Variants in THSD7A observed in about 807,000 individuals in gnomAD.
THSD7A encodes thrombospondin type-1 domain-containing protein 7A.
A neutral mutation model predicts 231.3 loss-of-function variants in THSD7A; 96 were observed. The ratio of observed to expected loss-of-function variants is 0.41; its 90% CI spans 0.35 to 0.49. The LOEUF is 0.49. THSD7A is among the 20% of genes least tolerant of loss of function. The probability of loss-of-function intolerance (pLI) is 0.05; values close to 1 mark genes in which losing one functional copy is unlikely to be tolerated. For synonymous variants in THSD7A, 940 were observed against 743.3 expected (o/e 1.26, Z -4.30); for missense variants, 2,290 against 2,070.2 (o/e 1.11, Z -2.06).
At chr7:11,598,107 C>T (rs1397533825) in intron 2 of THSD7A, among the ~76,000 whole-genome samples, 1 of 152,158 alleles carries the variant, frequency 6.6e-6, no homozygotes, top group Non-Finnish European at 1.5e-5. Flanking sequence ...AGCAGAACTT[C>T]GAGCAGTGCA....
intron 16 of THSD7A, among the ~76,000 whole-genome samples, chr7:11,420,002 A>G (rs1329318158): frequency 1.3e-5 from 2 of 152,192 alleles, no homozygotes; most frequent in Non-Finnish European, 2.9e-5. Flanking sequence ...TGCTTCTAAA[A>G]GCCTAGCTTA....
intron 6 of THSD7A, among the ~76,000 whole-genome samples, chr7:11,527,108 C>T (rs1001301977): frequency 2.6e-5 from 4 of 152,136 alleles, no homozygotes; most frequent in African/African-American, 9.7e-5. Flanking sequence ...GGAATGCATA[C>T]CATAGCCATT....
At chr7:11,501,537 A>T (rs1387588368) in intron 6 of THSD7A, among the ~76,000 whole-genome samples, 1 of 152,214 alleles carries the variant, frequency 6.6e-6, no homozygotes, top group African/African-American at 2.4e-5. Flanking sequence ...GCTTTTGGGT[A>T]AATACTGAAA....
intron 16 of THSD7A, 109 bp downstream of exon 16, chr7:11,424,587 G>A: frequency 6.8e-7 from 1 of 1,480,376 alleles, no homozygotes; most frequent in Non-Finnish European, 9.1e-7. Context: ...CAAAACTGCA[G>A]ACAATTTTAT....
chr7:11,646,890 A>G (rs911658163), intron 1 of THSD7A, among the ~76,000 whole-genome samples: 2 of 152,092 alleles, frequency 1.3e-5, no homozygotes, highest in African/African-American at 4.8e-5. Context: ...GCTAAGGCAC[A>G]AAAGAATAAG....
At chr7:11,493,513 C>T (rs1021595548) in intron 6 of THSD7A, among the ~76,000 whole-genome samples, 1 of 152,056 alleles carries the variant, frequency 6.6e-6, no homozygotes, top group African/African-American at 2.4e-5. Flanking sequence ...CCTAATGCTT[C>T]TGATGCATTA....
At chr7:11,616,495 T>C (rs1318442084) in intron 2 of THSD7A, among the ~76,000 whole-genome samples, 3 of 152,136 alleles carry the variant, frequency 2.0e-5, no homozygotes, top group African/African-American at 7.2e-5. Flanking sequence ...GAAAGAAATT[T>C]TTTGCAGTGT....
intron 6 of THSD7A, among the ~76,000 whole-genome samples, chr7:11,530,388 T>C (rs1204650101): frequency 6.6e-6 from 1 of 152,134 alleles, no homozygotes; most frequent in Non-Finnish European, 1.5e-5. Context: ...GAGTCATTTC[T>C]TGAAAATATG....
At chr7:11,818,987 G>C (rs941947138) in intron 1 of THSD7A, among the ~76,000 whole-genome samples, 3 of 152,226 alleles carry the variant, frequency 2.0e-5, no homozygotes, top group South Asian at 2.1e-4. Context: ...CGCCAGCTAA[G>C]AGTTGGCTAC....
At chr7:11,577,261 A>C (rs1790954065) in intron 4 of THSD7A, among the ~76,000 whole-genome samples, 1 of 152,182 alleles carries the variant, frequency 6.6e-6, no homozygotes, top group African/African-American at 2.4e-5. Flanking sequence ...AGACTTTCTA[A>C]ACAGATCTAG....
At chr7:11,722,949 C>G (rs1316244740) in intron 1 of THSD7A, among the ~76,000 whole-genome samples, 2 of 151,914 alleles carry the variant, frequency 1.3e-5, no homozygotes, top group African/African-American at 4.8e-5. Context: ...ACTAGAAATA[C>G]CATTTGACCC....
At chr7:11,435,821 G>C (rs975241502) in intron 13 of THSD7A, among the ~76,000 whole-genome samples, 1 of 152,016 alleles carries the variant, frequency 6.6e-6, no homozygotes, top group Non-Finnish European at 1.5e-5. Flanking sequence ...TTTGCAGCCA[G>C]CTTGTGAGAA....
chr7:11,716,534 G>A (rs560351975), intron 1 of THSD7A, among the ~76,000 whole-genome samples: 2 of 151,632 alleles, frequency 1.3e-5, no homozygotes, highest in South Asian at 4.1e-4. Flanking sequence ...TTGGTTCTAG[G>A]CTTTGGTAAC....
intron 4 of THSD7A, among the ~76,000 whole-genome samples, chr7:11,548,177 A>G (rs1353164316): frequency 6.6e-6 from 1 of 152,172 alleles, no homozygotes; most frequent in Non-Finnish European, 1.5e-5. Context: ...CAAAGGTGAC[A>G]TAACCAGTGA....
chr7:11,753,731 A>C (rs1782582400), intron 1 of THSD7A, among the ~76,000 whole-genome samples: 1 of 151,994 alleles, frequency 6.6e-6, no homozygotes, highest in South Asian at 2.1e-4. Context: ...TATTTGGAAA[A>C]GATTAATGCA....
chr7:11,556,178 T>A (rs1789835564), intron 4 of THSD7A, among the ~76,000 whole-genome samples: 1 of 151,684 alleles, frequency 6.6e-6, no homozygotes, highest in Admixed American at 6.6e-5. Flanking sequence ...CATTTTAGAA[T>A]ACCATTTTGA....
At chr7:11,393,964 T>G (rs1266069364) in intron 23 of THSD7A, among the ~76,000 whole-genome samples, 1 of 151,942 alleles carries the variant, frequency 6.6e-6, no homozygotes, top group African/African-American at 2.4e-5. Context: ...CCAGGAGAAC[T>G]TCCCCAACCT....
intron 2 of THSD7A, among the ~76,000 whole-genome samples, chr7:11,613,936 T>C (rs531798014): frequency 6.6e-6 from 1 of 152,296 alleles, no homozygotes; most frequent in African/African-American, 2.4e-5. Flanking sequence ...AGAGAACTTA[T>C]TTGCAAATGA....
chr7:11,415,141 G>A (rs1783918236), intron 17 of THSD7A, among the ~76,000 whole-genome samples: 1 of 152,168 alleles, frequency 6.6e-6, no homozygotes, highest in Non-Finnish European at 1.5e-5. Context: ...GTGGCCAATT[G>A]TTCAAATCAT....
Sources: gnomAD v4.1 joint callset for allele counts (sites outside exome capture counted in the v4.1 genomes callset) on GRCh38, gnomAD v4.1.1 for gene constraint, MANE v1.5 for transcripts, NCBI Gene and HGNC (gene_info 2026-07-23, HGNC 2026-07-21) for gene names.